CSTPP1: variants seen among roughly 807,000 people sequenced by gnomAD.
CSTPP1 encodes the protein centriolar satellite-associated tubulin polyglutamylase complex regulator 1, also known as UPF0705 protein C11orf49.
the CSTPP1 span, among the ~76,000 whole-genome samples, chr11:46,999,558 C>T: frequency 2.6e-5 from 4 of 152,172 alleles, no homozygotes; most frequent in Non-Finnish European, 4.4e-5. Context: ...TTTGAATTCT[C>T]CCTTATGAAC....
chr11:46,938,759 ATCTTTTTTTTTTTTCTTCT>A, the CSTPP1 span, among the ~76,000 whole-genome samples: 2 of 129,208 alleles, frequency 1.5e-5, no homozygotes, highest in African/African-American at 7.5e-5. Context: ...TACCATGCAC[ATCTTTTTTTTTTTTCTTCT>A]TCTTTTTTTT....
At chr11:47,116,797 A>T in the CSTPP1 span, among the ~76,000 whole-genome samples, 1 of 147,546 alleles carries the variant, frequency 6.8e-6, no homozygotes, top group Non-Finnish European at 1.5e-5. Context: ...CTCCTGCCTC[A>T]GCCTCCCGAG....
chr11:47,162,583 G>A, the CSTPP1 span, among the ~76,000 whole-genome samples: 7 of 152,214 alleles, frequency 4.6e-5, no homozygotes, highest in African/African-American at 1.7e-4. Context: ...GGTTAGAACA[G>A]TGGGATGCAG....
the CSTPP1 span, chr11:47,160,946 C>G: frequency 1.4e-6 from 1 of 717,030 alleles, no homozygotes. Context: ...ATGTATCAAG[C>G]AACAGCGAGC....
At chr11:46,948,655 T>TA in the CSTPP1 span, among the ~76,000 whole-genome samples, 1 of 152,180 alleles carries the variant, frequency 6.6e-6, no homozygotes, top group East Asian at 1.9e-4. Context: ...CTGCTTTGTC[T>TA]AAGAGTTTTA....
At chr11:46,937,177 T>C in the CSTPP1 span, among the ~76,000 whole-genome samples, 1 of 152,206 alleles carries the variant, frequency 6.6e-6, no homozygotes, top group Admixed American at 6.5e-5. Context: ...CCTTGGAACC[T>C]CAAGTGCCAA....
At chr11:47,024,527 C>T in the CSTPP1 span, among the ~76,000 whole-genome samples, 2 of 152,066 alleles carry the variant, frequency 1.3e-5, no homozygotes, top group Admixed American at 1.3e-4. Context: ...GAGAAATGTC[C>T]TTTGATCCTT....
the CSTPP1 span, among the ~76,000 whole-genome samples, chr11:47,110,810 G>T: frequency 2.6e-5 from 4 of 151,802 alleles, no homozygotes; most frequent in African/African-American, 9.7e-5. Flanking sequence ...GGGCCCTGAA[G>T]CCCCTTCAGT....
the CSTPP1 span, among the ~76,000 whole-genome samples, chr11:46,964,528 G>A: frequency 1.3e-5 from 2 of 152,014 alleles, no homozygotes; most frequent in African/African-American, 2.4e-5. Context: ...CTCGTGATCC[G>A]CCCGCCTCGG....
chr11:47,115,528 G>C, the CSTPP1 span, among the ~76,000 whole-genome samples: 8 of 152,038 alleles, frequency 5.3e-5, no homozygotes, highest in African/African-American at 1.9e-4. Context: ...CTTCTTCCTG[G>C]TTTAGTCTTG....
At chr11:46,973,410 C>T in the CSTPP1 span, among the ~76,000 whole-genome samples, 1 of 152,094 alleles carries the variant, frequency 6.6e-6, no homozygotes, top group African/African-American at 2.4e-5. Context: ...GTGGTTTAAA[C>T]AAGATAGAAG....
the CSTPP1 span, among the ~76,000 whole-genome samples, chr11:47,107,382 C>G: frequency 6.6e-6 from 1 of 152,144 alleles, no homozygotes; most frequent in African/African-American, 2.4e-5. Context: ...GTATAAAGGT[C>G]TGTAGAACCT....
At chr11:47,081,967 G>T in the CSTPP1 span, among the ~76,000 whole-genome samples, 20 of 148,638 alleles carry the variant, frequency 1.3e-4, no homozygotes, top group Admixed American at 1.3e-3. Flanking sequence ...GCAGGGTGTG[G>T]TGGCGCACGC....
the CSTPP1 span, among the ~76,000 whole-genome samples, chr11:47,148,425 C>G: frequency 2.6e-5 from 4 of 151,884 alleles, no homozygotes; most frequent in Non-Finnish European, 5.9e-5. Context: ...TGACTGACAC[C>G]TTGATTTGGG....
chr11:47,076,562 C>T, the CSTPP1 span, among the ~76,000 whole-genome samples: 1 of 152,036 alleles, frequency 6.6e-6, no homozygotes, highest in Non-Finnish European at 1.5e-5. Context: ...AAATAGAGGC[C>T]AGGCATGGTG....
the CSTPP1 span, chr11:47,159,959 G>A: frequency 3.2e-6 from 1 of 316,036 alleles, no homozygotes; most frequent in East Asian, 8.8e-5. Flanking sequence ...AGCCAAGATC[G>A]CATCATTGCA....
the CSTPP1 span, among the ~76,000 whole-genome samples, chr11:47,125,885 C>T: frequency 6.6e-6 from 1 of 152,020 alleles, no homozygotes; most frequent in South Asian, 2.1e-4. Context: ...GGCACGGTGG[C>T]ACGTGCCTGT....
At chr11:46,986,338 TTCATGG>T in the CSTPP1 span, among the ~76,000 whole-genome samples, 1 of 151,966 alleles carries the variant, frequency 6.6e-6, no homozygotes, top group African/African-American at 2.4e-5. Context: ...CCAGATAGAT[TTCATGG>T]TCTTGTTATT....
chr11:46,990,592 A>G, the CSTPP1 span, among the ~76,000 whole-genome samples: 2 of 151,724 alleles, frequency 1.3e-5, no homozygotes, highest in South Asian at 2.1e-4. Context: ...TAGGTTGTCT[A>G]TTGATAGTTT....
Sources: allele counts gnomAD v4.1 joint callset (sites outside exome capture counted in the v4.1 genomes callset), GRCh38; gene constraint gnomAD v4.1.1; transcripts MANE v1.5; gene names NCBI Gene and HGNC (gene_info 2026-07-23, HGNC 2026-07-21).